CLTCL1: variants seen among roughly 807,000 people sequenced by gnomAD.
The protein encoded by CLTCL1 is clathrin heavy chain like 1.
In CLTCL1, 159 loss-of-function variants were observed where a neutral mutation model predicts 190.0. The observed-to-expected ratio is 0.84, with a 90% CI of 0.74 to 0.95. CLTCL1 has a LOEUF of 0.95. Ranked by LOEUF, CLTCL1 falls within the 40% of genes least tolerant of loss-of-function variation. CLTCL1 has a pLI of 0.00. For missense variants in CLTCL1, 1,878 were observed against 2,033.4 expected, an observed-to-expected ratio of 0.92 and a Z score of 1.47; for synonymous variants, 752 against 769.6, an observed-to-expected ratio of 0.98 and a Z score of 0.38.
chr22:19,195,088 T>G (rs1468036159), intron 26 of CLTCL1, among the ~76,000 whole-genome samples: 1 of 152,306 alleles, frequency 6.6e-6, no homozygotes, highest in East Asian at 1.9e-4. Context: ...CCACCACGGC[T>G]CAGCAATTTT....
In CLTCL1 at chr22:19,222,749, G is replaced by A; in HGVS notation, c.2353C>T (p.His785Tyr). 1 of 1,600,282 alleles carries A rather than the reference G, an allele frequency of 6.2e-7. No individual in the cohort carries two copies. The highest frequency in any genetic ancestry group is 8.5e-7 in the Non-Finnish European group (1 of 1,173,440). Residue 785 changes from histidine (H) to tyrosine (Y), a missense_variant, in exon 15 of 33, where the codon CAT becomes TAT. His to Tyr is a moderately conservative substitution (Grantham distance 83). Coordinates refer to ENST00000427926, the MANE Select transcript of CLTCL1 (RefSeq NM_007098.4). ...CGGTATAAATATAGGACAAGGTCAT[G>A]GACAAAGCCAAAACGATCACACACG... ...IIVCDRFGFV[H>Y]DLVLYLYRNN...
rs183640085 is a variant in CLTCL1, at chr22:19,221,315, C to A, written c.2796+62G>T. 1.3e-5 allele frequency: 17 copies of A among 1,339,570 alleles called. No individual in the cohort carries two copies. The African/African-American group carries it at 2.2e-4, about 17-fold the overall frequency. The allele number at this position is 1,339,570 out of a possible 1,614,324, so 83.0% of individuals were successfully genotyped here. On this transcript the variant is annotated intron_variant, in intron 17 of 32. Coordinates refer to ENST00000427926, the MANE Select transcript of CLTCL1 (RefSeq NM_007098.4). ...CCCTGATCAGCTCCCCACAGGCACA[C>A]CTTTGAAAGCTTCCCTGGGAGCCCA... is the stretch of plus-strand genomic sequence containing the variant.
Position 19,275,778 on chromosome 22 carries a change from A to G in CLTCL1, c.95T>C (p.Met32Thr). 1 of 1,609,922 alleles carries G rather than the reference A, an allele frequency of 6.2e-7. No homozygotes were observed. Among genetic ancestry groups the G allele is most frequent in the Non-Finnish European group, 8.5e-7 (1 of 1,178,142 alleles). ...GATACATATGAACTTGTCAGATTCC[A>G]TGGTCAGTGTGCTGAATCCAATGTT... is the stretch of plus-strand genomic sequence containing the variant. ...PANIGFSTLT[M>T]ESDKFICIRE... The change falls in exon 2 of 33, where the codon ATG (methionine) becomes ACG (threonine). Residue 32 changes from methionine to threonine, a missense_variant. Coordinates refer to ENST00000427926, the MANE Select transcript of CLTCL1 (RefSeq NM_007098.4).
chr22:19,273,390 T>C (rs143369867), intron 2 of CLTCL1, among the ~76,000 whole-genome samples: 7 of 152,314 alleles, frequency 4.6e-5, no homozygotes, highest in African/African-American at 1.7e-4. Flanking sequence ...CAACATGTTA[T>C]AGTTGAAGTG....
At chr22:19,226,814 T>C (rs2085761387) in intron 11 of CLTCL1, among the ~76,000 whole-genome samples, 2 of 152,162 alleles carry the variant, frequency 1.3e-5, no homozygotes, top group Admixed American at 6.5e-5. Context: ...CTCAGCTCAC[T>C]GCAACCTCCA....
At position 19,279,100 on chromosome 22, in the gene CLTCL1, T is replaced by A. The variant is rs559589258; in HGVS notation, c.43-3270A>T. ...AGAAAAATCCTGAAAAATAGAATAA[T>A]ATAAATGCCCTAGAAGTTACAGTAT... On this transcript the variant is annotated intron_variant, in intron 1 of 32. Coordinates refer to ENST00000427926, the MANE Select transcript of CLTCL1 (RefSeq NM_007098.4). 4.5e-4 allele frequency among the ~76,000 whole-genome samples: 68 copies of A among 152,184 alleles called. 1 individual carries two copies. In the South Asian group the frequency reaches 0.014, roughly 32 times the overall value.
chr22:19,247,320 T>C (rs1601636406), intron 3 of CLTCL1, among the ~76,000 whole-genome samples: 3 of 150,562 alleles, frequency 2.0e-5, no homozygotes, highest in Admixed American at 6.6e-5. Flanking sequence ...TAGGGGTGTA[T>C]TCCTGGACCT....
chr22:19,249,843 A>G (rs1381063009), intron 3 of CLTCL1: 3 of 391,778 alleles, frequency 7.7e-6, no homozygotes, highest in African/African-American at 2.1e-5. Flanking sequence ...CAAACCATCA[A>G]AGCTGATTTT....
intron 26 of CLTCL1, among the ~76,000 whole-genome samples, chr22:19,194,051 G>A (rs1204757225): frequency 2.0e-5 from 3 of 152,078 alleles, no homozygotes; most frequent in Non-Finnish European, 4.4e-5. Context: ...TTTACAGAGC[G>A]CTAATTGGTC....
intron 1 of CLTCL1, 57 bp downstream of exon 1, chr22:19,291,543 G>C: frequency 7.7e-7 from 1 of 1,306,998 alleles, no homozygotes; most frequent in Non-Finnish European, 9.8e-7. Flanking sequence ...AAGCCTGGCA[G>C]TCCGGCCCGG....
At chr22:19,180,362 A>G in intron 31 of CLTCL1, 124 bp from the exon 32 acceptor site, 1 of 1,051,408 alleles carries the variant, frequency 9.5e-7, no homozygotes. Flanking sequence ...GTGTCCAAGC[A>G]CCCCACAGCC....
At chr22:19,190,204 C>A (rs1569148682) in intron 27 of CLTCL1, among the ~76,000 whole-genome samples, 1 of 152,194 alleles carries the variant, frequency 6.6e-6, no homozygotes, top group Non-Finnish European at 1.5e-5. Flanking sequence ...GTCATCCACC[C>A]ACCTTGGCCT....
At chr22:19,276,858 G>C (rs1555983665) in intron 1 of CLTCL1, among the ~76,000 whole-genome samples, 1 of 151,978 alleles carries the variant, frequency 6.6e-6, no homozygotes. Context: ...TTTTTTAGTA[G>C]AGACGGGGTT....
chr22:19,194,123 G>A (rs1555934121), intron 26 of CLTCL1, among the ~76,000 whole-genome samples: 1 of 152,088 alleles, frequency 6.6e-6, no homozygotes, highest in African/African-American at 2.4e-5. Context: ...TTTTTACAGA[G>A]TGCTGATTGG....
In CLTCL1 at chr22:19,193,270, C is replaced by T. The variant is rs555404012; in HGVS notation, c.4192-1835G>A. 6.8e-4 allele frequency among the ~76,000 whole-genome samples: 104 copies of T among 152,352 alleles called. 1 individual carries two copies. The highest frequency in any genetic ancestry group is 1.8e-3 in the African/African-American group (75 of 41,588). On this transcript the variant is annotated intron_variant, in intron 26 of 32. Transcript: ENST00000427926. Reference sequence around the variant, plus strand: ...TTTCAACAGGTCCATGCAGCATGGCCGGAATGCCGTTTAAGGTGGAGTATA... The same window carrying T: ...TTTCAACAGGTCCATGCAGCATGGCTGGAATGCCGTTTAAGGTGGAGTATA...
intron 1 of CLTCL1, among the ~76,000 whole-genome samples, chr22:19,279,748 C>T (rs1025854926): frequency 9.8e-5 from 15 of 152,308 alleles, no homozygotes; most frequent in Middle Eastern, 3.4e-3. Context: ...GAGAGCTTTG[C>T]GCTTTGTGTT....
chr22:19,201,196 TA>T, intron 23 of CLTCL1, 132 bp downstream of exon 23: 1 of 1,103,706 alleles, frequency 9.1e-7, no homozygotes, highest in Non-Finnish European at 1.3e-6. Context: ...CTAGAGACTC[TA>T]AGAATCCCAA....
Position 19,208,172 on chromosome 22 carries a change from G to A in CLTCL1, c.3582C>T (p.Asn1194=). The change falls in exon 22 of 33, where the codon AAC becomes AAT. Residue 1194 remains asparagine (N), a synonymous_variant. Coordinates refer to ENST00000427926, the MANE Select transcript of CLTCL1 (RefSeq NM_007098.4). The stretch of plus-strand genomic sequence containing the variant: ...GGCCTACCTGCTGGATGTGGGCATT[G>A]TTGGGTCCATTAATAAAATCTTCTA... ...SELEDFINGP[N]NAHIQQVGDR... 1.9e-6 allele frequency: 3 copies of A among 1,613,896 alleles called. No homozygotes were observed. Among genetic ancestry groups the A allele is most frequent in the South Asian group, 2.2e-5 (2 of 91,078 alleles).
intron 2 of CLTCL1, among the ~76,000 whole-genome samples, chr22:19,255,906 T>C (rs1601662125): frequency 7.3e-6 from 1 of 137,632 alleles, no homozygotes; most frequent in Non-Finnish European, 1.5e-5. Context: ...TAAGACTCTG[T>C]CTCAAAAAAA....
Sources: allele counts gnomAD v4.1 joint callset (sites outside exome capture counted in the v4.1 genomes callset), GRCh38; gene constraint gnomAD v4.1.1; transcripts MANE v1.5; gene names NCBI Gene and HGNC (gene_info 2026-07-23, HGNC 2026-07-21).